PRC1: variants seen among roughly 807,000 people sequenced by gnomAD.
PRC1 encodes the protein anaphase spindle elongation 1 homolog.
PRC1 carries 54 observed loss-of-function variants against 91.2 expected under a neutral mutation model. The observed-to-expected ratio is 0.59, with a 90% CI of 0.48 to 0.74. The LOEUF (loss-of-function observed/expected upper bound fraction) is 0.74, where lower values mean the gene tolerates loss of function less well. Ranked by LOEUF, PRC1 falls within the 30% of genes least tolerant of loss-of-function variation. The pLI is 0.00. For synonymous variants in PRC1, 275 were observed against 263.6 expected, an observed-to-expected ratio of 1.04 and a Z score of -0.42; for missense variants, 727 against 746.2, an observed-to-expected ratio of 0.97 and a Z score of 0.30.
At chr15:90,967,929 A>C in intron 14 of PRC1, 1 of 985,466 alleles carries the variant, frequency 1.0e-6, no homozygotes, top group Non-Finnish European at 1.2e-6. Context: ...GCCAGAACAT[A>C]TATCTACCAA....
At chr15:90,980,160 C>T (rs2039063726) in intron 7 of PRC1, 82 bp downstream of exon 7, 11 of 1,450,034 alleles carry the variant, frequency 7.6e-6, no homozygotes, top group African/African-American at 1.4e-5. Context: ...TTGTTTGAGC[C>T]TAGGAACTTG....
chr15:90,976,738 G>A lies in PRC1; in HGVS notation c.1141C>T (p.Arg381Ter), dbSNP rs574886074. ...KASDPNRFTN[R>*]GGNLLKEEKQ... ...TCTTCTTTTAGAAGATTTCCTCCTC[G>A]GTTTGTAAATCGATTTGGATCTGAA... Residue 381 changes from arginine (R) to a stop codon, truncating the protein, a stop_gained, in exon 9 of 15, where the codon CGA becomes TGA. Coordinates refer to ENST00000394249, the MANE Select transcript of PRC1 (RefSeq NM_003981.4). LOFTEE classifies it high-confidence loss of function. 13 of 1,613,462 alleles carry A rather than the reference G, an allele frequency of 8.1e-6. No homozygotes were observed. Among genetic ancestry groups the A allele is most frequent in the East Asian group, 2.2e-5 (1 of 44,846 alleles).
Position 90,981,909 on chromosome 15 carries a change from T to C in PRC1, c.340A>G (p.Lys114Glu). 2 of 1,614,224 alleles carry C rather than the reference T, an allele frequency of 1.2e-6. No individual in the cohort carries two copies. Among genetic ancestry groups the C allele is most frequent in the South Asian group, 1.1e-5 (1 of 91,082 alleles). The change falls in exon 4 of 15, where the codon AAA (lysine) becomes GAA (glutamate). Residue 114 changes from lysine to glutamate, a missense_variant. Lys to Glu is a moderately conservative substitution (Grantham distance 56, BLOSUM62 1). Coordinates refer to ENST00000394249, the MANE Select transcript of PRC1 (RefSeq NM_003981.4). The part of the protein sequence containing the change: ...RTQVELMRKQ[K>E]KERKQELKLL... ...TTCAGTTCCTGTTTTCTCTCCTTTT[T>C]CTGTTTTCGCATCAATTCCACTTGG...
chr15:90,974,025 C>T lies in PRC1; in HGVS notation c.1461+111G>A. 1 of 847,144 alleles carries T rather than the reference C, an allele frequency of 1.2e-6. No homozygotes were observed. Among genetic ancestry groups the T allele is most frequent in the South Asian group, 1.5e-5 (1 of 65,096 alleles). 52.5% of individuals were successfully genotyped at this position (847,144 alleles called of 1,614,324 possible). On this transcript the variant is annotated intron_variant, in intron 11 of 14. Transcript: ENST00000394249. The surrounding 1 kb of genome is among the most constrained non-coding windows in gnomAD (Gnocchi z 4.6). The stretch of plus-strand genomic sequence containing the variant: ...TTCTTTTCTCTGTCTCTTGTCCCAC[C>T]TGATGAGAAATACCCACAGGTGTGG...
In PRC1 at chr15:90,974,287, G is replaced by A. The variant is rs1352359005; in HGVS notation, c.1351-41C>T. 1 of 1,549,716 alleles carries A rather than the reference G, an allele frequency of 6.5e-7. No individual in the cohort carries two copies. Among genetic ancestry groups the A allele is most frequent in the Non-Finnish European group, 8.9e-7 (1 of 1,122,492 alleles). On this transcript the variant is annotated intron_variant, in intron 10 of 14. Transcript: ENST00000394249. The surrounding 1 kb of genome is among the most constrained non-coding windows in gnomAD (Gnocchi z 4.6). ...AAGCAACAGTGATAAATCTCAGGAA[G>A]AGAGCGGGTCTGGGATGGCAACAGC...
In PRC1 at chr15:90,981,611, G is replaced by T. The variant is rs7172758; in HGVS notation, c.560C>A (p.Ala187Glu). The change falls in exon 5 of 15, where the codon GCA becomes GAA. Residue 187 changes from alanine to glutamate, a missense_variant. Ala to Glu is a moderately radical substitution (Grantham distance 107, BLOSUM62 -1). Transcript: ENST00000394249. ...GCTTGTGTCTGGGGTGTGGTCTAAT[G>T]CTTCCATACACAGTATGATCTGTCT... ...IKRQIILCME[A>E]LDHTPDTSFE... 1,605,279 of 1,614,136 alleles carry T rather than the reference G, an allele frequency of 0.99. 798,253 individuals carry two copies. The highest frequency in any genetic ancestry group is 1 in the East Asian group (44,878 of 44,880).
intron 1 of PRC1, among the ~76,000 whole-genome samples, chr15:90,989,566 T>C (rs1467875961): frequency 1.3e-5 from 2 of 151,834 alleles, no homozygotes; most frequent in South Asian, 2.1e-4. Context: ...ACAGAGTTCA[T>C]ACAACTCAGC....
chr15:90,981,054 G>T, intron 5 of PRC1, 21 bp from the exon 6 acceptor site: 1 of 1,613,364 alleles, frequency 6.2e-7, no homozygotes. Flanking sequence ...GAAAGCCAGT[G>T]TCACTCACGG....
rs890292840 is a variant in PRC1, at chr15:90,976,600, A to C, written c.1203+76T>G. The C allele has an allele frequency of 8.9e-6, 11 of 1,233,136 alleles. No homozygotes were observed. In the African/African-American group the frequency reaches 1.5e-4, roughly 17 times the overall value. 76.4% of individuals were successfully genotyped at this position (1,233,136 alleles called of 1,614,324 possible). A position where few individuals can be genotyped will look rare whatever the true frequency, so the allele number is the denominator to read the frequency against. ...GAAGAAAATAGTTTTGGGGCTAAAC[A>C]ATAGAAAGAAAAAGACATACAAATA... On this transcript the variant is annotated intron_variant, in intron 9 of 14. Transcript: ENST00000394249.
At chr15:90,986,874 T>C (rs2039615397) in intron 1 of PRC1, among the ~76,000 whole-genome samples, 1 of 144,248 alleles carries the variant, frequency 6.9e-6, no homozygotes, top group East Asian at 2.2e-4. Flanking sequence ...TAAAAAATAG[T>C]TGTAAGGGGA....
intron 5 of PRC1, chr15:90,981,251 T>C (rs2039172428): frequency 1.4e-6 from 1 of 702,710 alleles, no homozygotes. Context: ...AAAATTTTAA[T>C]TAAACACTAG....
At chr15:90,968,884 G>C in intron 14 of PRC1, 195 bp downstream of exon 14, 3 of 1,397,014 alleles carry the variant, frequency 2.1e-6, no homozygotes, top group Non-Finnish European at 2.8e-6. Context: ...TCCAATTCAA[G>C]TCTGAACAAA....
intron 14 of PRC1, chr15:90,967,830 G>A: frequency 1.0e-6 from 1 of 984,592 alleles, no homozygotes; most frequent in African/African-American, 1.7e-5. Context: ...ATTAAGCGAG[G>A]CATGACTCTA....
intron 12 of PRC1, 34 bp downstream of exon 12, chr15:90,970,370 T>A (rs371421270): frequency 2.0e-6 from 3 of 1,472,072 alleles, no homozygotes; most frequent in Non-Finnish European, 2.9e-6. Context: ...TAGGGACGCA[T>A]GTGAGGATGT....
rs71154154 is a variant in PRC1 at position 90,974,369 on chromosome 15, G to GGGCTCCCCGTTCCACAAGCCCCGGTCCCC, written c.1351-152_1351-124dup. On this transcript the variant is annotated intron_variant, in intron 10 of 14. Coordinates refer to ENST00000394249, the MANE Select transcript of PRC1 (RefSeq NM_003981.4). This position sits in a 1 kb window ranked among gnomAD's most constrained non-coding sequence, Gnocchi z 4.6. ...ACAGCCAGAGCTAAAGAGCTGCCGC[G>GGGCTCCCCGTTCCACAAGCCCCGGTCCCC]GGCTCCCCGTTCCACAAGCCCCGGT... is the stretch of plus-strand genomic sequence containing the variant. The GGGCTCCCCGTTCCACAAGCCCCGGTCCCC allele has an allele frequency of 2.4e-4, 249 of 1,020,828 alleles. 29 individuals are homozygous for GGGCTCCCCGTTCCACAAGCCCCGGTCCCC. Among genetic ancestry groups the GGGCTCCCCGTTCCACAAGCCCCGGTCCCC allele is most frequent in the African/African-American group, 6.8e-4 (39 of 57,632 alleles). The allele number at this position is 1,020,828 out of a possible 1,614,324, so 63.2% of individuals were successfully genotyped here.
chr15:90,967,979 T>C, intron 14 of PRC1: 1 of 985,248 alleles, frequency 1.0e-6, no homozygotes, highest in South Asian at 4.7e-5. Flanking sequence ...GGTGATTTGA[T>C]CTCATGCTGG....
intron 6 of PRC1, 34 bp from the exon 7 acceptor site, chr15:90,980,423 A>G (rs375475311): frequency 6.2e-7 from 1 of 1,601,232 alleles, no homozygotes; most frequent in Non-Finnish European, 8.5e-7. Context: ...GGTGGCTGCC[A>G]TAGTTTTATA....
intron 14 of PRC1, 198 bp downstream of exon 14, chr15:90,968,881 C>A: frequency 7.2e-7 from 1 of 1,388,278 alleles, no homozygotes; most frequent in Non-Finnish European, 9.4e-7. Context: ...GAATCCAATT[C>A]AAGTCTGAAC....
At chr15:90,990,396 T>C (rs965302887) in intron 1 of PRC1, among the ~76,000 whole-genome samples, 39 of 149,352 alleles carry the variant, frequency 2.6e-4, no homozygotes, top group Admixed American at 5.3e-4. Flanking sequence ...AAATAATTTT[T>C]TTTTTTTTTT....
Sources: allele counts gnomAD v4.1 joint callset (sites outside exome capture counted in the v4.1 genomes callset), GRCh38; gene constraint gnomAD v4.1.1; non-coding constraint Gnocchi (gnomAD v3.1); transcripts MANE v1.5; gene names NCBI Gene and HGNC (gene_info 2026-07-23, HGNC 2026-07-21).